The following TANC2 variants were observed in gnomAD, a reference collection of about 807,000 sequenced individuals.
TANC2 encodes protein TANC2.
A neutral mutation model predicts 210.5 loss-of-function variants in TANC2; 26 were observed. The ratio of observed to expected loss-of-function variants is 0.12; its 90% confidence interval spans 0.09 to 0.17. The LOEUF (loss-of-function observed/expected upper bound fraction) is 0.17. Among genes scored for constraint, TANC2 ranks in the 10% least tolerant of loss-of-function variants. The pLI is 1.00. For synonymous variants in TANC2, 931 were observed against 967.1 expected, an observed-to-expected ratio of 0.96 and a Z score of 0.69; for missense variants, 2,129 against 2,608.9, an observed-to-expected ratio of 0.82 and a Z score of 4.01.
In TANC2 at chr17:63,011,241, G is replaced by T. The variant is rs548497771; in HGVS notation, c.67+1615G>T. 5.9e-5 allele frequency among the ~76,000 whole-genome samples: 9 copies of T among 151,524 alleles called. No individual in the cohort carries two copies. In the South Asian group the frequency reaches 6.3e-4, roughly 11 times the overall value. On this transcript the variant is annotated intron_variant, in intron 2 of 27. Transcript: ENST00000689528. ...TTTGTTGTTTTGTGTGTGTGTGTGT[G>T]TTTTTTTTACTACGTCATGCTTCTT...
chr17:63,128,691 G>A (rs2038803508), intron 4 of TANC2, among the ~76,000 whole-genome samples: 1 of 152,058 alleles, frequency 6.6e-6, no homozygotes, highest in Admixed American at 6.6e-5. Context: ...GTCGGTGTAG[G>A]ATAAGAGGAC....
intron 18 of TANC2, among the ~76,000 whole-genome samples, chr17:63,397,501 ACTT>A (rs2048205894): frequency 6.6e-6 from 1 of 152,304 alleles, no homozygotes; most frequent in African/African-American, 2.4e-5. Flanking sequence ...CTGTTAAACT[ACTT>A]CTCGTCCACA....
rs750994608 is a variant in TANC2 at position 63,421,907 on chromosome 17, G to A, written c.6177G>A (p.Gln2059=). 5.6e-6 allele frequency: 9 copies of A among 1,613,890 alleles called. No individual in the cohort carries two copies. The South Asian group carries it at 8.8e-5, about 16-fold the overall frequency. Residue 2059 remains glutamine (Q), a synonymous_variant, in exon 28 of 28, where the codon CAG becomes CAA. Transcript: ENST00000689528. The surrounding 1 kb of genome is among the most constrained non-coding windows in gnomAD (Gnocchi z 6.9). ...TGTCCCGAGACTCTCGGCAAGGGCA[G>A]ACATCCCCTATCAAACCAAAGAGAC...
chr17:63,405,177 A>G (rs1302950307), exon 20 of TANC2: 33 of 1,612,854 alleles, frequency 2.0e-5, no homozygotes, highest in Non-Finnish European at 2.7e-5. Flanking sequence ...TGCTCTTGGA[A>G]CAAGGGGCGG....
intron 9 of TANC2, among the ~76,000 whole-genome samples, chr17:63,271,671 G>T (rs2043714604): frequency 7.2e-6 from 1 of 139,320 alleles, no homozygotes. Flanking sequence ...TGTGTGTTCT[G>T]CCATTGAGCT....
At chr17:63,010,565 G>A (rs960756942) in intron 2 of TANC2, among the ~76,000 whole-genome samples, 1 of 151,608 alleles carries the variant, frequency 6.6e-6, no homozygotes, top group African/African-American at 2.4e-5. Context: ...CCCTGAGTTA[G>A]CACAGACCCT....
chr17:63,205,132 G>T (rs922138409), intron 7 of TANC2, among the ~76,000 whole-genome samples: 1 of 151,782 alleles, frequency 6.6e-6, no homozygotes, highest in Non-Finnish European at 1.5e-5. Context: ...ATAAACTCTT[G>T]CATATATGGT....
chr17:63,243,136 A>G (rs1240107784), intron 8 of TANC2, among the ~76,000 whole-genome samples: 1 of 152,174 alleles, frequency 6.6e-6, no homozygotes, highest in Admixed American at 6.6e-5. Context: ...CAGATTCTTC[A>G]CAATTCTTGA....
intron 5 of TANC2, among the ~76,000 whole-genome samples, chr17:63,181,882 C>T (rs1431865459): frequency 6.6e-6 from 1 of 152,222 alleles, no homozygotes; most frequent in Non-Finnish European, 1.5e-5. Flanking sequence ...CATCTACCTT[C>T]AGCTTCCAGT....
At chr17:63,125,074 C>G (rs2038654705) in intron 4 of TANC2, 1 of 152,176 alleles carries the variant, frequency 6.6e-6, no homozygotes, top group Non-Finnish European at 1.5e-5. Context: ...GTTAAGATAG[C>G]TGAAAGGATC....
intron 9 of TANC2, among the ~76,000 whole-genome samples, chr17:63,274,598 G>A (rs376022493): frequency 5.3e-5 from 8 of 152,148 alleles, no homozygotes; most frequent in African/African-American, 1.9e-4. Context: ...GGGATCACCT[G>A]AGGTCAGGAG....
intron 1 of TANC2, among the ~76,000 whole-genome samples, chr17:63,008,772 CT>C (rs970919745): frequency 7.4e-6 from 1 of 135,072 alleles, no homozygotes; most frequent in Non-Finnish European, 1.5e-5. Flanking sequence ...TAGCTGTAGT[CT>C]TGTGAGATGG....
In TANC2 at chr17:63,331,844, G is replaced by C. The variant is rs369354695; in HGVS notation, c.1576-8257G>C. On this transcript the variant is annotated intron_variant, in intron 11 of 27. Transcript: ENST00000689528. ...TTTACTGTAAGATAAGAGTGTGTGT[G>C]TGTGTGTGTGTCTGTGTGTGTGTGT... 608 of 159,240 alleles carry C rather than the reference G, an allele frequency of 3.8e-3. 5 individuals carry two copies. The highest frequency in any genetic ancestry group is 0.017 in the African/African-American group (588 of 34,936). The allele number at this position is 159,240 out of a possible 1,614,324, so 9.9% of individuals were successfully genotyped here. A position where few individuals can be genotyped will look rare whatever the true frequency, so the allele number is the denominator to read the frequency against.
intron 2 of TANC2, among the ~76,000 whole-genome samples, chr17:63,015,619 C>G (rs1290391799): frequency 1.3e-5 from 2 of 151,910 alleles, no homozygotes; most frequent in African/African-American, 2.4e-5. Context: ...TAAATTTTAT[C>G]TGGCAGAGTT....
chr17:63,282,972 C>T (rs1029646881), intron 9 of TANC2, among the ~76,000 whole-genome samples: 2 of 151,936 alleles, frequency 1.3e-5, no homozygotes, highest in Admixed American at 6.6e-5. Context: ...AGATGTCCAA[C>T]TTGTGAATTT....
chr17:63,371,527 A>G (rs2047269467), intron 14 of TANC2, among the ~76,000 whole-genome samples: 1 of 152,172 alleles, frequency 6.6e-6, no homozygotes, highest in African/African-American at 2.4e-5. Context: ...AGAAGGTTGT[A>G]TATTAAGTTT....
intron 2 of TANC2, among the ~76,000 whole-genome samples, chr17:63,048,280 G>T (rs1182384094): frequency 6.6e-6 from 1 of 152,076 alleles, no homozygotes; most frequent in Non-Finnish European, 1.5e-5. Context: ...ATAAATATTT[G>T]GGTTGAGTAT....
chr17:63,411,876 A>G (rs969801019), intron 22 of TANC2, 122 bp from the exon 23 acceptor site: 37 of 1,463,050 alleles, frequency 2.5e-5, no homozygotes, highest in East Asian at 6.9e-5. Flanking sequence ...CCTGAAATAC[A>G]TGGCAGCATA....
intron 2 of TANC2, among the ~76,000 whole-genome samples, chr17:63,047,921 G>A (rs1039634908): frequency 6.6e-6 from 1 of 152,170 alleles, no homozygotes; most frequent in Non-Finnish European, 1.5e-5. Context: ...TGAATAAGTG[G>A]ATAGCTGTGA....
Sources: gnomAD v4.1 joint callset for allele counts (sites outside exome capture counted in the v4.1 genomes callset) on GRCh38, gnomAD v4.1.1 for gene constraint, Gnocchi (gnomAD v3.1) non-coding constraint, MANE v1.5 for transcripts, NCBI Gene and HGNC (gene_info 2026-07-23, HGNC 2026-07-21) for gene names.